Variants in ACOT1 observed in about 807,000 individuals in gnomAD.
The protein encoded by ACOT1 is acyl-coenzyme A thioesterase 1.
A neutral mutation model predicts 15.7 loss-of-function variants in ACOT1; 8 were observed. That is an observed-to-expected ratio of 0.51 (90% CI 0.30 to 0.92). The LOEUF is 0.92. ACOT1 is among the 40% of genes least tolerant of loss of function. The pLI is 0.06. For missense variants in ACOT1, 151 were observed against 539.4 expected (o/e 0.28, Z 7.13); for synonymous variants, 67 against 241.2 (o/e 0.28, Z 6.69).
At chr14:73,501,683 T>G in the ACOT1 span, among the ~76,000 whole-genome samples, 1 of 149,460 alleles carries the variant, frequency 6.7e-6, no homozygotes, top group Non-Finnish European at 1.5e-5. Context: ...CAGGCAGTCC[T>G]CTTGCCTCAG....
chr14:73,524,801 G>A, the ACOT1 span, among the ~76,000 whole-genome samples: 4 of 151,968 alleles, frequency 2.6e-5, no homozygotes, highest in South Asian at 4.2e-4. Context: ...TAAGGATGAA[G>A]GAGAGACCAT....
chr14:73,493,065 C>T, the ACOT1 span: 11 of 1,603,958 alleles, frequency 6.9e-6, no homozygotes, highest in Non-Finnish European at 9.3e-6. Flanking sequence ...CTCACATTTA[C>T]CTTTATCACT....
At chr14:73,512,571 A>G in the ACOT1 span, among the ~76,000 whole-genome samples, 1 of 152,220 alleles carries the variant, frequency 6.6e-6, no homozygotes. Context: ...GCATAATACT[A>G]GAACCCACAT....
At chr14:73,512,896 A>T in the ACOT1 span, among the ~76,000 whole-genome samples, 1 of 152,168 alleles carries the variant, frequency 6.6e-6, no homozygotes, top group African/African-American at 2.4e-5. Context: ...AAGCTTGTCT[A>T]TCATGTTCTG....
At chr14:73,496,211 G>T in the ACOT1 span, among the ~76,000 whole-genome samples, 6 of 151,962 alleles carry the variant, frequency 3.9e-5, no homozygotes, top group Non-Finnish European at 8.8e-5. Flanking sequence ...TAGGAATTCA[G>T]AAAAATTAAG....
chr14:73,506,228 A>G, the ACOT1 span, among the ~76,000 whole-genome samples: 199 of 152,172 alleles, frequency 1.3e-3, 2 homozygotes, highest in East Asian at 1.4e-3. Context: ...TTTTTGTGCT[A>G]TTTCATTGTG....
chr14:73,509,866 A>ATTTATATATTTATTTATT, the ACOT1 span, among the ~76,000 whole-genome samples: 1 of 67,524 alleles, frequency 1.5e-5, no homozygotes, highest in African/African-American at 6.3e-5. Flanking sequence ...ATATATATAT[A>ATTTATATATTTATTTATT]TATTTATTTA....
the ACOT1 span, among the ~76,000 whole-genome samples, chr14:73,523,538 T>C: frequency 1.3e-5 from 2 of 152,224 alleles, no homozygotes; most frequent in South Asian, 4.1e-4. Context: ...AAAAGGCTTA[T>C]AGTGTAAAGT....
At chr14:73,498,976 A>G in the ACOT1 span, 1 of 1,008,064 alleles carries the variant, frequency 9.9e-7, no homozygotes, top group Non-Finnish European at 1.6e-6. Context: ...CCTCTCCTGC[A>G]CTTCACCCCA....
chr14:73,533,226 A>G (rs1384379763), upstream of ACOT1, among the ~76,000 whole-genome samples: 2 of 114,714 alleles, frequency 1.7e-5, 1 homozygote, highest in Non-Finnish European at 3.8e-5. Flanking sequence ...ATCCAAAAGA[A>G]TTGAAAGCAG....
chr14:73,495,848 C>G, the ACOT1 span, among the ~76,000 whole-genome samples: 1 of 152,128 alleles, frequency 6.6e-6, no homozygotes, highest in Admixed American at 6.6e-5. Flanking sequence ...ACAATCCAGG[C>G]CAGGCATGAT....
the ACOT1 span, among the ~76,000 whole-genome samples, chr14:73,504,916 C>T: frequency 1.3e-5 from 2 of 152,084 alleles, no homozygotes; most frequent in African/African-American, 4.8e-5. Flanking sequence ...CTGAGCCCCA[C>T]CATCTTCACC....
At chr14:73,500,809 G>T in the ACOT1 span, 3 of 1,368,168 alleles carry the variant, frequency 2.2e-6, no homozygotes, top group Non-Finnish European at 3.0e-6. Context: ...ATGCCCTCAT[G>T]ATAAAATCCG....
At chr14:73,536,236 A>C (rs549947911), upstream of ACOT1, among the ~76,000 whole-genome samples, 20 of 113,440 alleles carry the variant, frequency 1.8e-4, 2 homozygotes, top group African/African-American at 5.7e-4. Flanking sequence ...GGTTTCTCTA[A>C]TTACCAAGAT....
chr14:73,529,907 G>A, the ACOT1 span, among the ~76,000 whole-genome samples: 1 of 148,538 alleles, frequency 6.7e-6, no homozygotes, highest in East Asian at 2.0e-4. Context: ...GTTCTGAGGT[G>A]GAGTCCAAGA....
At chr14:73,513,526 G>C in the ACOT1 span, among the ~76,000 whole-genome samples, 1 of 151,600 alleles carries the variant, frequency 6.6e-6, no homozygotes, top group Non-Finnish European at 1.5e-5. Flanking sequence ...AGGAGTTTGA[G>C]ACCACTCTGG....
the ACOT1 span, chr14:73,512,186 T>C: frequency 1.2e-6 from 2 of 1,611,642 alleles, no homozygotes; most frequent in Admixed American, 1.7e-5. Flanking sequence ...GAGAACCACC[T>C]GGTTAGGGTT....
chr14:73,506,804 G>GTTTTTTTTTTTTTTGTTTTTTTTTTTT, the ACOT1 span, among the ~76,000 whole-genome samples: 5 of 80,492 alleles, frequency 6.2e-5, no homozygotes, highest in African/African-American at 2.0e-4. Flanking sequence ...GACTTTAACT[G>GTTTTTTTTTTTTTTGTTTTTTTTTTTT]TTTTTTTTTT....
the ACOT1 span, chr14:73,492,668 C>T: frequency 5.0e-6 from 8 of 1,613,862 alleles, no homozygotes; most frequent in Non-Finnish European, 5.9e-6. This position sits in a 1 kb window ranked among gnomAD's most constrained non-coding sequence, Gnocchi z 4.9. Flanking sequence ...AGTCCATATG[C>T]TTCAGGATGG....
Sources: gnomAD v4.1 joint callset for allele counts (sites outside exome capture counted in the v4.1 genomes callset) on GRCh38, gnomAD v4.1.1 for gene constraint, Gnocchi (gnomAD v3.1) non-coding constraint, MANE v1.5 for transcripts, NCBI Gene and HGNC (gene_info 2026-07-23, HGNC 2026-07-21) for gene names.